NETO1: variants seen among roughly 807,000 people sequenced by gnomAD.
NETO1 encodes neuropilin and tolloid like 1.
NETO1 carries 26 observed loss-of-function variants against 61.3 expected under a neutral mutation model. That is an observed-to-expected ratio of 0.42 (90% CI 0.31 to 0.59). The LOEUF (loss-of-function observed/expected upper bound fraction) is 0.59. Among genes scored for constraint, NETO1 ranks in the 20% least tolerant of loss-of-function variants. NETO1 has a pLI of 0.12. For synonymous variants in NETO1, 225 were observed against 225.8 expected, an observed-to-expected ratio of 1.00 and a Z score of 0.03; for missense variants, 531 against 662.8, an observed-to-expected ratio of 0.80 and a Z score of 2.18.
intron 4 of NETO1, among the ~76,000 whole-genome samples, chr18:72,843,929 A>G (rs1016255911): frequency 6.6e-6 from 1 of 152,160 alleles, no homozygotes; most frequent in Admixed American, 6.5e-5. Flanking sequence ...AACTCATATA[A>G]TGTTCTATTT....
At chr18:72,756,599 C>CCCTG (rs1178007868) in intron 7 of NETO1, among the ~76,000 whole-genome samples, 2 of 151,942 alleles carry the variant, frequency 1.3e-5, no homozygotes, top group Non-Finnish European at 2.9e-5. Flanking sequence ...CTAAAGCAAA[C>CCCTG]CCTGTAACAT....
intron 4 of NETO1, chr18:72,835,304 G>A (rs868529730): frequency 6.3e-7 from 1 of 1,597,150 alleles, no homozygotes; most frequent in Non-Finnish European, 8.6e-7. Flanking sequence ...TCCTGCTAAG[G>A]AGTTTGCCTT....
chr18:72,783,440 T>C (rs1014946592), intron 7 of NETO1, among the ~76,000 whole-genome samples: 1 of 152,208 alleles, frequency 6.6e-6, no homozygotes, highest in Non-Finnish European at 1.5e-5. Flanking sequence ...AGTTGAATAG[T>C]GTGAACTGTC....
intron 4 of NETO1, among the ~76,000 whole-genome samples, chr18:72,826,619 A>G (rs776021996): frequency 1.1e-4 from 17 of 151,878 alleles, no homozygotes; most frequent in Non-Finnish European, 2.1e-4. Flanking sequence ...GATGGTTTGG[A>G]AACTATGGAC....
intron 3 of NETO1, among the ~76,000 whole-genome samples, chr18:72,863,830 CT>C (rs1192470759): frequency 3.9e-5 from 6 of 152,034 alleles, no homozygotes; most frequent in Admixed American, 6.6e-5. Flanking sequence ...AAGGTGGGTG[CT>C]TCCAGGTTTT....
At chr18:72,818,857 T>C (rs773487995) in intron 4 of NETO1, among the ~76,000 whole-genome samples, 2 of 152,194 alleles carry the variant, frequency 1.3e-5, no homozygotes, top group African/African-American at 4.8e-5. Context: ...ATTATATGTA[T>C]AATATTCCAA....
chr18:72,783,631 C>T, intron 7 of NETO1, 47 bp downstream of exon 7: 1 of 1,499,998 alleles, frequency 6.7e-7, no homozygotes, highest in Non-Finnish European at 9.3e-7. Context: ...AAACTGGCAT[C>T]ATATGGCATA....
In NETO1 at chr18:72,746,228, G is replaced by C. The variant is rs564221282; in HGVS notation, c.*1951C>G. Among the ~76,000 whole-genome samples the C allele has an allele frequency of 5.9e-5, 9 of 152,126 alleles. No homozygotes were observed. The East Asian group carries it at 9.7e-4, about 16-fold the overall frequency. ...TACTTTTGAGATTATCATTCAAAGG[G>C]AAAGGAGTCCTCTGAAGATTTCTAA... On this transcript the variant is annotated 3_prime_UTR_variant, in exon 11 of 11. Coordinates refer to ENST00000327305, the MANE Select transcript of NETO1 (RefSeq NM_138966.5).
intron 4 of NETO1, among the ~76,000 whole-genome samples, chr18:72,818,457 C>T (rs925285200): frequency 6.6e-6 from 1 of 152,172 alleles, no homozygotes; most frequent in Non-Finnish European, 1.5e-5. Context: ...GGATTCTAAC[C>T]TTGGGTCACA....
rs2070436332 is a variant in NETO1 at position 72,746,558 on chromosome 18, T to A, written c.*1621A>T. On this transcript the variant is annotated 3_prime_UTR_variant, in exon 11 of 11. Coordinates refer to ENST00000327305, the MANE Select transcript of NETO1 (RefSeq NM_138966.5). ...GGCTATGATAACTCTTTGACTTTTC[T>A]ATTATAAAAATTTATTTTCTATTTG... 6.6e-6 allele frequency among the ~76,000 whole-genome samples: 1 copy of A among 152,086 alleles called. No homozygotes were observed.
intron 4 of NETO1, among the ~76,000 whole-genome samples, chr18:72,824,901 A>T (rs2073327202): frequency 6.6e-6 from 1 of 152,100 alleles, no homozygotes; most frequent in South Asian, 2.1e-4. Context: ...AATAATAAAA[A>T]TTTAAAAATA....
At position 72,750,125 on chromosome 18, in the gene NETO1, T is replaced by G; in HGVS notation, c.1478A>C (p.Asp493Ala). 1 of 1,613,316 alleles carries G rather than the reference T, an allele frequency of 6.2e-7. No homozygotes were observed. The highest frequency in any genetic ancestry group is 8.5e-7 in the Non-Finnish European group (1 of 1,179,754). Residue 493 changes from aspartate to alanine, a missense_variant, in exon 9 of 11, where the codon GAT (aspartate) becomes GCT (alanine). Physicochemically the swap from Asp to Ala is moderately radical, Grantham distance 126 (BLOSUM62 -2). Coordinates refer to ENST00000327305, the MANE Select transcript of NETO1 (RefSeq NM_138966.5). ...SQDAADACDI[D>A]EIEEVPTTSH... ...GGTGGTCGGCACCTCTTCGATTTCA[T>G]CTATGTCACAGGCATCTGCAGCATC...
At chr18:72,852,653 C>T (rs192277307) in intron 4 of NETO1, among the ~76,000 whole-genome samples, 84 of 152,254 alleles carry the variant, frequency 5.5e-4, no homozygotes, top group African/African-American at 1.7e-3. Flanking sequence ...TGAACACCCA[C>T]CTAGACCAAA....
intron 4 of NETO1, among the ~76,000 whole-genome samples, chr18:72,821,449 C>T: frequency 6.7e-6 from 1 of 150,160 alleles, no homozygotes; most frequent in East Asian, 2.0e-4. Context: ...GCCTATAATC[C>T]AACTACTCAA....
chr18:72,832,038 T>C (rs2073598217), intron 4 of NETO1, among the ~76,000 whole-genome samples: 1 of 152,194 alleles, frequency 6.6e-6, no homozygotes, highest in South Asian at 2.1e-4. Flanking sequence ...AATCACATGG[T>C]ACTCCCTGTT....
intron 8 of NETO1, among the ~76,000 whole-genome samples, chr18:72,751,055 A>ACACACACACACACT (rs1486839180): frequency 1.3e-5 from 2 of 151,392 alleles, no homozygotes; most frequent in Non-Finnish European, 2.9e-5. Flanking sequence ...TAAAATACAC[A>ACACACACACACACT]CACACACACA....
intron 10 of NETO1, 113 bp from the exon 11 acceptor site, chr18:72,748,277 G>A (rs565412512): frequency 1.0e-6 from 1 of 983,948 alleles, no homozygotes; most frequent in South Asian, 4.7e-5. Context: ...TTCAAGAATA[G>A]TTGATAGGCT....
rs551104865 is a variant in NETO1 at position 72,864,162 on chromosome 18, C to G, written c.220+646G>C. Among the ~76,000 whole-genome samples the G allele has an allele frequency of 9.6e-4, 144 of 150,514 alleles. 1 individual carries two copies. The highest frequency in any genetic ancestry group is 3.2e-3 in the African/African-American group (133 of 40,992). On this transcript the variant is annotated intron_variant, in intron 3 of 10. Coordinates refer to ENST00000327305, the MANE Select transcript of NETO1 (RefSeq NM_138966.5). ...GGAACTCAGGGGACTCTCGCTTTGT[C>G]TCAAAAAAAAAAAGTGTTTACAAGG...
chr18:72,835,077 T>C, intron 4 of NETO1: 2 of 1,088,222 alleles, frequency 1.8e-6, no homozygotes, highest in Non-Finnish European at 2.2e-6. Context: ...TGAACCTTCA[T>C]CTGGGTTTCA....
Sources: allele counts gnomAD v4.1 joint callset (sites outside exome capture counted in the v4.1 genomes callset), GRCh38; gene constraint gnomAD v4.1.1; transcripts MANE v1.5; gene names NCBI Gene and HGNC (gene_info 2026-07-23, HGNC 2026-07-21).